CCDC15: variants seen among roughly 807,000 people sequenced by gnomAD.
CCDC15 encodes coiled-coil domain-containing protein 15.
In CCDC15, 105 loss-of-function variants were observed where a neutral mutation model predicts 114.5. The ratio of observed to expected loss-of-function variants is 0.92; its 90% confidence interval spans 0.78 to 1.08. The LOEUF is 1.08. CCDC15 is among the 50% of genes least tolerant of loss of function. The pLI, the probability that CCDC15 is intolerant of heterozygous loss-of-function variation, is 0.00. For missense variants in CCDC15, 1,105 were observed against 1,093.6 expected, an observed-to-expected ratio of 1.01 and a Z score of -0.15; for synonymous variants, 334 against 377.8, an observed-to-expected ratio of 0.88 and a Z score of 1.34.
intron 13 of CCDC15, among the ~76,000 whole-genome samples, chr11:125,026,135 C>T (rs1948700194): frequency 6.6e-6 from 1 of 152,144 alleles, no homozygotes; most frequent in South Asian, 2.1e-4. Context: ...AGCAATAGGA[C>T]TTGCCCAAGA....
chr11:125,035,203 G>A (rs957932202), intron 13 of CCDC15, among the ~76,000 whole-genome samples: 23 of 152,126 alleles, frequency 1.5e-4, no homozygotes, highest in African/African-American at 5.1e-4. Flanking sequence ...ATTAAGGGTG[G>A]GTCTGCCTTT....
chr11:124,966,486 A>C (rs1279083306), intron 4 of CCDC15, among the ~76,000 whole-genome samples: 5 of 147,818 alleles, frequency 3.4e-5, no homozygotes, highest in African/African-American at 5.0e-5. Flanking sequence ...TTTGTTTTCC[A>C]TTTGCTTGGT....
chr11:125,012,068 C>T (rs537829915), intron 13 of CCDC15, among the ~76,000 whole-genome samples: 4 of 152,278 alleles, frequency 2.6e-5, no homozygotes, highest in Admixed American at 1.3e-4. Context: ...AGCCTAGATG[C>T]GCATGAGAGG....
intron 13 of CCDC15, among the ~76,000 whole-genome samples, chr11:125,030,516 G>A (rs185974661): frequency 2.0e-4 from 31 of 152,296 alleles, no homozygotes; most frequent in African/African-American, 7.5e-4. Context: ...TTGTGTGCAG[G>A]ATAGGCAAAC....
At chr11:124,972,062 T>C (rs1489312636) in intron 4 of CCDC15, among the ~76,000 whole-genome samples, 1 of 152,222 alleles carries the variant, frequency 6.6e-6, no homozygotes, top group Non-Finnish European at 1.5e-5. Context: ...ATGAGTAAAC[T>C]ATGATTATGT....
chr11:125,012,829 C>G (rs1015061154), intron 13 of CCDC15, among the ~76,000 whole-genome samples: 14 of 152,090 alleles, frequency 9.2e-5, no homozygotes, highest in African/African-American at 3.4e-4. Context: ...AGGGACTGTT[C>G]TATATGCTGA....
At chr11:125,024,152 A>G (rs1331663801) in intron 13 of CCDC15, among the ~76,000 whole-genome samples, 2 of 152,022 alleles carry the variant, frequency 1.3e-5, no homozygotes, top group Non-Finnish European at 2.9e-5. Flanking sequence ...ATATGCATGT[A>G]TTCCCAGCTT....
intron 13 of CCDC15, among the ~76,000 whole-genome samples, chr11:125,016,946 T>C (rs1948632954): frequency 6.6e-6 from 1 of 152,222 alleles, no homozygotes; most frequent in Admixed American, 6.5e-5. Context: ...AAGGACTGAT[T>C]GCTTTACAGA....
chr11:124,959,977 G>A lies in CCDC15; in HGVS notation c.490G>A (p.Glu164Lys), dbSNP rs201773360. The A allele has an allele frequency of 1.8e-5, 28 of 1,571,288 alleles. No homozygotes were observed. The African/African-American group carries it at 3.0e-4, about 17-fold the overall frequency. ...AATAGAGGATGAAGAGAATCAGAAC[G>A]AATTATTCCAACAACAAGCCCAGGC... ...DGIEDEENQN[E>K]LFQQQAQALS... Residue 164 changes from glutamate (E) to lysine (K), a missense_variant, in exon 4 of 16, where the codon GAA (glutamate) becomes AAA (lysine). Coordinates refer to ENST00000344762, the MANE Select transcript of CCDC15 (RefSeq NM_025004.3).
At chr11:125,002,022 C>T (rs536966222) in intron 11 of CCDC15, among the ~76,000 whole-genome samples, 6 of 152,102 alleles carry the variant, frequency 3.9e-5, no homozygotes, top group South Asian at 4.1e-4. Flanking sequence ...TTCCCACCAG[C>T]GGTATATGAG....
intron 4 of CCDC15, among the ~76,000 whole-genome samples, chr11:124,964,441 TTGTC>T (rs1244529424): frequency 4.6e-5 from 7 of 152,106 alleles, no homozygotes; most frequent in Non-Finnish European, 8.8e-5. Flanking sequence ...ATTTGGCTGT[TTGTC>T]TGTTATTGGT....
Position 124,993,378 on chromosome 11 carries a change from T to C in CCDC15, c.2214+135T>C, listed in dbSNP as rs912969438. On this transcript the variant is annotated intron_variant, in intron 11 of 15. Coordinates refer to ENST00000344762, the MANE Select transcript of CCDC15 (RefSeq NM_025004.3). ...GGGCAATGTAACTGCTTCAGGAATT[T>C]AGTGTTAAGGTTAGTAATAACGGGC... 13 of 633,136 alleles carry C rather than the reference T, an allele frequency of 2.1e-5. No individual in the cohort carries two copies. The East Asian group carries it at 3.6e-4, about 17-fold the overall frequency. The allele number at this position is 633,136 out of a possible 1,614,324, so 39.2% of individuals were successfully genotyped here.
chr11:125,032,011 A>AC (rs1948742738), intron 13 of CCDC15, among the ~76,000 whole-genome samples: 2 of 152,096 alleles, frequency 1.3e-5, no homozygotes. Flanking sequence ...ACACCACTGG[A>AC]CCCCTAGACA....
chr11:124,987,542 G>A lies in CCDC15; in HGVS notation c.1316G>A (p.Ser439Asn), dbSNP rs1948191475. Residue 439 changes from serine (S) to asparagine (N), a missense_variant, in exon 8 of 16, where the codon AGT becomes AAT. Coordinates refer to ENST00000344762, the MANE Select transcript of CCDC15 (RefSeq NM_025004.3). ...KDHCVLPKDQ[S>N]ILLKYQDQDF... ...CACTGTGTTCTCCCTAAAGACCAGA[G>A]TATTCTACTCAAATATCAGGACCAG... 6.2e-7 allele frequency: 1 copy of A among 1,613,846 alleles called. No homozygotes were observed. Among genetic ancestry groups the A allele is most frequent in the African/African-American group, 1.3e-5 (1 of 74,918 alleles).
Position 124,987,706 on chromosome 11 carries a change from C to A in CCDC15, c.1480C>A (p.Leu494Met). ...TGTTCTCCCCAAAGACCAAGATATT[C>A]TGCCAAAATATCAGGACCAGAATTT... ...QHVLPKDQDI[L>M]PKYQDQNFLP... The change falls in exon 8 of 16, where the codon CTG becomes ATG. Residue 494 changes from leucine (L) to methionine (M), a missense_variant. Coordinates refer to ENST00000344762, the MANE Select transcript of CCDC15 (RefSeq NM_025004.3). 1 of 1,613,994 alleles carries A rather than the reference C, an allele frequency of 6.2e-7. No homozygotes were observed.
chr11:125,026,201 C>T (rs950301590), intron 13 of CCDC15, among the ~76,000 whole-genome samples: 1 of 152,188 alleles, frequency 6.6e-6, no homozygotes, highest in African/African-American at 2.4e-5. Flanking sequence ...CCCCAGAGCA[C>T]TTTCGCCTGT....
chr11:125,029,063 A>AT, intron 13 of CCDC15, among the ~76,000 whole-genome samples: 1 of 152,326 alleles, frequency 6.6e-6, no homozygotes, highest in Non-Finnish European at 1.5e-5. Flanking sequence ...CGAGAAAGAT[A>AT]TAGTCTGGGA....
At chr11:124,986,702 C>CGCGCGT (rs1948165334) in intron 6 of CCDC15, 40 bp from the exon 7 acceptor site, 1 of 1,208,402 alleles carries the variant, frequency 8.3e-7, no homozygotes. Context: ...TGTGTGTGTG[C>CGCGCGT]GCGCGCGCGC....
chr11:124,976,974 T>C (rs924401604), intron 5 of CCDC15, among the ~76,000 whole-genome samples: 4 of 152,160 alleles, frequency 2.6e-5, no homozygotes, highest in African/African-American at 9.6e-5. Flanking sequence ...AAATTTTTCT[T>C]ATTACTTGTA....
Sources: allele counts gnomAD v4.1 joint callset (sites outside exome capture counted in the v4.1 genomes callset), GRCh38; gene constraint gnomAD v4.1.1; transcripts MANE v1.5; gene names NCBI Gene and HGNC (gene_info 2026-07-23, HGNC 2026-07-21).